The following TRPC4 variants were observed in gnomAD, a reference collection of about 807,000 sequenced individuals.
TRPC4 encodes the protein transient receptor potential cation channel subfamily C member 4.
Under a neutral mutation model 99.4 loss-of-function variants are expected in TRPC4, and 49 were observed. The ratio of observed to expected loss-of-function variants is 0.49; its 90% confidence interval spans 0.39 to 0.63. TRPC4 has a LOEUF of 0.63. TRPC4 is among the 20% of genes least tolerant of loss of function. The probability of loss-of-function intolerance (pLI) is 0.00; values close to 1 mark genes in which losing one functional copy is unlikely to be tolerated. For synonymous variants in TRPC4, 454 were observed against 425.9 expected, an observed-to-expected ratio of 1.07 and a Z score of -0.81; for missense variants, 898 against 1,152.9, an observed-to-expected ratio of 0.78 and a Z score of 3.20.
At chr13:37,646,940 A>T (rs1886165) in intron 8 of TRPC4, among the ~76,000 whole-genome samples, 38,421 of 152,114 alleles carry the variant, frequency 0.25, 5,606 homozygotes, top group East Asian at 0.7. Flanking sequence ...ATAATACAGC[A>T]TTTCTGCTTC....
At chr13:37,705,120 G>T (rs1954227595) in intron 3 of TRPC4, among the ~76,000 whole-genome samples, 1 of 152,166 alleles carries the variant, frequency 6.6e-6, no homozygotes, top group South Asian at 2.1e-4. Flanking sequence ...TAAGCTTTAT[G>T]AAAAGATGGA....
At chr13:37,820,446 G>C (rs919722697) in intron 1 of TRPC4, among the ~76,000 whole-genome samples, 26 of 152,014 alleles carry the variant, frequency 1.7e-4, no homozygotes, top group African/African-American at 6.3e-4. Context: ...TATGACGCCA[G>C]AATCCTCCTG....
chr13:37,649,924 C>T (rs1951985306), intron 8 of TRPC4, among the ~76,000 whole-genome samples: 1 of 152,230 alleles, frequency 6.6e-6, no homozygotes, highest in South Asian at 2.1e-4. Flanking sequence ...ACTTTGGTTT[C>T]TAAGGTCAGA....
At position 37,832,719 on chromosome 13, in the gene TRPC4, T is replaced by C. The variant is rs990316880; in HGVS notation, c.-28+36876A>G. On this transcript the variant is annotated intron_variant, in intron 1 of 10. Transcript: ENST00000379705. The stretch of plus-strand genomic sequence containing the variant: ...AAATTATAAACACCCAAGGAAAAGA[T>C]AGAGATGTTTATATTGAATAAAAAA... 3.9e-5 allele frequency among the ~76,000 whole-genome samples: 6 copies of C among 152,040 alleles called. No individual in the cohort carries two copies. The East Asian group carries it at 1.2e-3, about 29-fold the overall frequency.
At chr13:37,808,480 G>T (rs1239873788) in intron 1 of TRPC4, among the ~76,000 whole-genome samples, 1 of 152,042 alleles carries the variant, frequency 6.6e-6, no homozygotes, top group Admixed American at 6.6e-5. Flanking sequence ...GTACCACCCA[G>T]CTCCCCCTTC....
At chr13:37,643,018 C>T (rs964328259) in intron 8 of TRPC4, among the ~76,000 whole-genome samples, 1 of 152,158 alleles carries the variant, frequency 6.6e-6, no homozygotes, top group East Asian at 1.9e-4. Flanking sequence ...GTGTGAGCCA[C>T]AGTGCCTGGC....
At chr13:37,735,974 C>T (rs572957170) in intron 3 of TRPC4, among the ~76,000 whole-genome samples, 1 of 152,090 alleles carries the variant, frequency 6.6e-6, no homozygotes, top group African/African-American at 2.4e-5. Context: ...TTTGGACACA[C>T]ACAATTTCAA....
intron 6 of TRPC4, among the ~76,000 whole-genome samples, chr13:37,655,567 G>A (rs780866542): frequency 6.6e-6 from 1 of 151,910 alleles, no homozygotes; most frequent in Non-Finnish European, 1.5e-5. Context: ...AATGTGGCAT[G>A]GGTACTGAGT....
chr13:37,791,398 T>TAAA (rs11312586), intron 1 of TRPC4, among the ~76,000 whole-genome samples: 3 of 114,762 alleles, frequency 2.6e-5, no homozygotes, highest in African/African-American at 3.7e-5. Context: ...TCTGTCTCAA[T>TAAA]AAAAAAAAAA....
intron 8 of TRPC4, among the ~76,000 whole-genome samples, chr13:37,645,274 T>C (rs900997544): frequency 6.6e-6 from 1 of 152,122 alleles, no homozygotes; most frequent in Non-Finnish European, 1.5e-5. Flanking sequence ...AGTGAGAAAC[T>C]GCTGCTGCTG....
intron 1 of TRPC4, among the ~76,000 whole-genome samples, chr13:37,827,855 GT>G (rs1958287280): frequency 6.6e-6 from 1 of 152,204 alleles, no homozygotes; most frequent in African/African-American, 2.4e-5. Context: ...GCAATGGCGG[GT>G]GCCCCTCCCC....
At chr13:37,741,485 G>A (rs1346140968) in intron 3 of TRPC4, among the ~76,000 whole-genome samples, 1 of 152,132 alleles carries the variant, frequency 6.6e-6, no homozygotes, top group African/African-American at 2.4e-5. Flanking sequence ...TAGATGATTG[G>A]CATCGGGATG....
rs150476465 is a variant in TRPC4, at chr13:37,721,349, T to C, written c.897+24588A>G. On this transcript the variant is annotated intron_variant, in intron 3 of 10. Coordinates refer to ENST00000379705, the MANE Select transcript of TRPC4 (RefSeq NM_016179.4). Reference sequence around the variant, plus strand: ...AAGTCATTTATTGAAATGCAAAAGATTGTTAATAAAATTATTCCCAAGGGA... The same window carrying C: ...AAGTCATTTATTGAAATGCAAAAGACTGTTAATAAAATTATTCCCAAGGGA... Among the ~76,000 whole-genome samples, 401 of 152,284 alleles carry C rather than the reference T, an allele frequency of 2.6e-3. 1 individual carries two copies. Among genetic ancestry groups the C allele is most frequent in the African/African-American group, 9.1e-3 (378 of 41,576 alleles).
chr13:37,854,674 T>C (rs557125326), intron 1 of TRPC4, among the ~76,000 whole-genome samples: 1 of 152,214 alleles, frequency 6.6e-6, no homozygotes, highest in East Asian at 1.9e-4. Context: ...ATCAGTATTG[T>C]CATCAATTTA....
At chr13:37,806,757 A>AT (rs1463136763) in intron 1 of TRPC4, among the ~76,000 whole-genome samples, 1 of 152,080 alleles carries the variant, frequency 6.6e-6, no homozygotes, top group Non-Finnish European at 1.5e-5. Flanking sequence ...GATAATTACA[A>AT]TTATTGCTCT....
At chr13:37,840,711 A>G (rs1958708338) in intron 1 of TRPC4, among the ~76,000 whole-genome samples, 1 of 152,060 alleles carries the variant, frequency 6.6e-6, no homozygotes. Flanking sequence ...ACTTTCTAAC[A>G]TTAGTGAACT....
chr13:37,734,934 C>A (rs1043935231), intron 3 of TRPC4, among the ~76,000 whole-genome samples: 3 of 151,976 alleles, frequency 2.0e-5, no homozygotes, highest in Non-Finnish European at 2.9e-5. Context: ...CATGCCACTC[C>A]GTGTTCCCTA....
At chr13:37,734,149 A>C (rs1047418776) in intron 3 of TRPC4, among the ~76,000 whole-genome samples, 1 of 152,078 alleles carries the variant, frequency 6.6e-6, no homozygotes, top group Admixed American at 6.6e-5. Flanking sequence ...TTCCCCATAT[A>C]CCTTTTCTAA....
chr13:37,662,887 A>G (rs1230952466), intron 6 of TRPC4, among the ~76,000 whole-genome samples: 1 of 152,214 alleles, frequency 6.6e-6, no homozygotes, highest in Non-Finnish European at 1.5e-5. Context: ...AAGGGCACAG[A>G]GAGTTTTGTG....
Sources: allele counts gnomAD v4.1 joint callset (sites outside exome capture counted in the v4.1 genomes callset), GRCh38; gene constraint gnomAD v4.1.1; transcripts MANE v1.5; gene names NCBI Gene and HGNC (gene_info 2026-07-23, HGNC 2026-07-21).